PSMB1: variants seen among roughly 807,000 people sequenced by gnomAD.
PSMB1 encodes proteasome subunit beta type-1.
A neutral mutation model predicts 25.4 loss-of-function variants in PSMB1; 7 were observed. That is an observed-to-expected ratio of 0.28 (90% CI 0.16 to 0.52). PSMB1 has a LOEUF of 0.52. Among genes scored for constraint, PSMB1 ranks in the 20% least tolerant of loss-of-function variants. The pLI is 0.97. For missense variants in PSMB1, 284 were observed against 302.2 expected, an observed-to-expected ratio of 0.94 and a Z score of 0.45; for synonymous variants, 119 against 115.0, an observed-to-expected ratio of 1.03 and a Z score of -0.22.
intron 1 of PSMB1, among the ~76,000 whole-genome samples, chr6:170,552,669 G>A (rs1317744708): frequency 6.6e-6 from 1 of 152,222 alleles, no homozygotes; most frequent in African/African-American, 2.4e-5. Context: ...ACCCAGCTAT[G>A]CATCTAACAA....
At chr6:170,552,581 A>G (rs1778922688) in intron 1 of PSMB1, among the ~76,000 whole-genome samples, 1 of 152,226 alleles carries the variant, frequency 6.6e-6, no homozygotes, top group South Asian at 2.1e-4. Context: ...TTCTATTTGA[A>G]ATAAAACAAA....
rs1459675085 is a variant in PSMB1, at chr6:170,535,342, G to C, written c.604C>G (p.Leu202Val). The C allele has an allele frequency of 8.1e-6, 13 of 1,614,002 alleles. No individual in the cohort carries two copies. Among genetic ancestry groups the C allele is most frequent in the Non-Finnish European group, 1.1e-5 (13 of 1,180,024 alleles). The change falls in exon 6 of 6, where the codon CTG becomes GTG. Residue 202 changes from leucine to valine, a missense_variant. Transcript: ENST00000262193. Reference sequence around the variant, plus strand: ...GCAGAAATGAAGACATCTTTCACCAGCCGCATGGCTCTGTCCAAGGACAGC... The same window carrying C: ...GCAGAAATGAAGACATCTTTCACCACCCGCATGGCTCTGTCCAAGGACAGC... ...VPLSLDRAMR[L>V]VKDVFISAAE...
At chr6:170,545,750 G>C (rs938224480) in intron 3 of PSMB1, among the ~76,000 whole-genome samples, 2 of 152,190 alleles carry the variant, frequency 1.3e-5, no homozygotes, top group African/African-American at 2.4e-5. Flanking sequence ...TGCAAACCAA[G>C]CTCCTGTGTC....
At chr6:170,549,292 GA>G (rs200349864) in intron 1 of PSMB1, 179 bp from the exon 2 acceptor site, 154 of 487,272 alleles carry the variant, frequency 3.2e-4, no homozygotes, top group South Asian at 5.3e-4. Flanking sequence ...AGTTGTCTGG[GA>G]AAAAAAAATT....
chr6:170,544,830 A>G (rs1778797968), intron 3 of PSMB1, among the ~76,000 whole-genome samples: 1 of 152,172 alleles, frequency 6.6e-6, no homozygotes, highest in South Asian at 2.1e-4. Context: ...TGCCTTTCCA[A>G]GATAAAAACT....
chr6:170,537,336 C>T lies in PSMB1; in HGVS notation c.438G>A (p.Lys146=). Residue 146 remains lysine (K), a synonymous_variant, in exon 5 of 6, where the codon AAG becomes AAA. Coordinates refer to ENST00000262193, the MANE Select transcript of PSMB1 (RefSeq NM_002793.4). ...CTGGATCAAAGCTGTATACAGCCCC[C>T]TTTCCTTAAAGAAGAAAACAGTATT... ...NIIGGLDEEG[K]GAVYSFDPVG... The T allele has an allele frequency of 1.2e-6, 2 of 1,611,870 alleles. No individual in the cohort carries two copies. The highest frequency in any genetic ancestry group is 1.1e-5 in the South Asian group (1 of 90,926).
chr6:170,550,297 A>C (rs1222692753), intron 1 of PSMB1: 1 of 152,266 alleles, frequency 6.6e-6, no homozygotes, highest in Non-Finnish European at 1.5e-5. Flanking sequence ...CAAGCAACTC[A>C]TTCAGGCAGC....
In PSMB1 at chr6:170,538,268, AT is replaced by A. The variant is rs142132209; in HGVS notation, c.434-929del. On this transcript the variant is annotated intron_variant, in intron 4 of 5. Coordinates refer to ENST00000262193, the MANE Select transcript of PSMB1 (RefSeq NM_002793.4). ...AATCACGAGTCATTTACAAGGTATG[AT>A]TTTTTAAAAACATAACTGATTTAGA... 2.0e-5 allele frequency among the ~76,000 whole-genome samples: 3 copies of A among 152,184 alleles called. 1 individual carries two copies. The South Asian group carries it at 6.2e-4, about 31-fold the overall frequency.
chr6:170,537,568 A>G (rs996515099), intron 4 of PSMB1, among the ~76,000 whole-genome samples: 1 of 152,196 alleles, frequency 6.6e-6, no homozygotes, highest in Non-Finnish European at 1.5e-5. Context: ...GCCACCCAGC[A>G]GACAGCCCCA....
chr6:170,539,643 C>T (rs927137337), intron 4 of PSMB1, among the ~76,000 whole-genome samples: 6 of 152,104 alleles, frequency 3.9e-5, no homozygotes, highest in Admixed American at 6.5e-5. Flanking sequence ...AAATCGGGTA[C>T]TCAGGGTACT....
intron 2 of PSMB1, 113 bp from the exon 3 acceptor site, chr6:170,546,297 G>A (rs969137432): frequency 5.0e-6 from 4 of 805,616 alleles, no homozygotes; most frequent in Non-Finnish European, 8.1e-6. Flanking sequence ...ATGGTAATGG[G>A]ACAAACAGTC....
chr6:170,553,248 G>C lies in PSMB1; in HGVS notation c.-6C>G, dbSNP rs10946279. 10 of 1,600,464 alleles carry C rather than the reference G, an allele frequency of 6.2e-6. No homozygotes were observed. The East Asian group carries it at 1.3e-4, about 22-fold the overall frequency. On this transcript the variant is annotated 5_prime_UTR_variant, in exon 1 of 6. Transcript: ENST00000262193. ...ATGGCTGTAGAGGACAACATCGCACGGCTGCGCCTGCGGATCCGACACTTG... is the reference window on the plus strand; with the variant it reads ...ATGGCTGTAGAGGACAACATCGCACCGCTGCGCCTGCGGATCCGACACTTG...
chr6:170,546,800 C>T (rs921138203), intron 2 of PSMB1, among the ~76,000 whole-genome samples: 18 of 152,032 alleles, frequency 1.2e-4, no homozygotes, highest in Admixed American at 9.8e-4. Context: ...AATCCAAGGG[C>T]CACACAGAAA....
intron 1 of PSMB1, among the ~76,000 whole-genome samples, chr6:170,551,816 TCTAA>T (rs1778906826): frequency 6.6e-6 from 1 of 152,196 alleles, no homozygotes; most frequent in African/African-American, 2.4e-5. Flanking sequence ...GCTAATATCA[TCTAA>T]CATTCACTTT....
chr6:170,543,505 T>A, intron 4 of PSMB1, 96 bp downstream of exon 4: 2 of 1,181,328 alleles, frequency 1.7e-6, no homozygotes, highest in Non-Finnish European at 2.3e-6. Flanking sequence ...TTGTGTCAGA[T>A]GGTATTTATG....
At chr6:170,552,003 ATCTT>A (rs1387328923) in intron 1 of PSMB1, among the ~76,000 whole-genome samples, 2 of 152,258 alleles carry the variant, frequency 1.3e-5, no homozygotes, top group African/African-American at 2.4e-5. Context: ...GACTTTCGTT[ATCTT>A]TCTAACACAC....
intron 2 of PSMB1, among the ~76,000 whole-genome samples, chr6:170,546,754 T>C (rs1778825006): frequency 6.6e-6 from 1 of 152,170 alleles, no homozygotes; most frequent in Non-Finnish European, 1.5e-5. Flanking sequence ...TGTGAACCAC[T>C]GCACCCAGCC....
chr6:170,535,275 C>T lies in PSMB1; in HGVS notation c.671G>A (p.Cys224Tyr), dbSNP rs1778676057. The change falls in exon 6 of 6, where the codon TGC becomes TAC. Residue 224 changes from cysteine to tyrosine, a missense_variant. By Grantham distance (194) the Cys-to-Tyr change is radical. Coordinates refer to ENST00000262193, the MANE Select transcript of PSMB1 (RefSeq NM_002793.4). ...CCTGATGCCCTCTTTGGTCACTATG[C>T]AGATCCGGAGTGCGTCCCCAGTGTA... ...DVYTGDALRI[C>Y]IVTKEGIREE... The T allele has an allele frequency of 4.3e-6, 7 of 1,614,158 alleles. No individual in the cohort carries two copies. Among genetic ancestry groups the T allele is most frequent in the African/African-American group, 1.3e-5 (1 of 75,040 alleles).
In PSMB1 at chr6:170,553,125, T is replaced by C; in HGVS notation, c.113+5A>G. The C allele has an allele frequency of 6.2e-7, 1 of 1,604,144 alleles. No individual in the cohort carries two copies. The highest frequency in any genetic ancestry group is 8.5e-7 in the Non-Finnish European group (1 of 1,174,694). ...GTGAAAGCCGCAGCTCTCTGGGGTT[T>C]TTACCCTCCGTTGAAAACGTAGGGC... On this transcript the variant is annotated splice_donor_5th_base_variant and intron_variant, in intron 1 of 5. Transcript: ENST00000262193.
Sources: gnomAD v4.1 joint callset for allele counts (sites outside exome capture counted in the v4.1 genomes callset) on GRCh38, gnomAD v4.1.1 for gene constraint, MANE v1.5 for transcripts, NCBI Gene and HGNC (gene_info 2026-07-23, HGNC 2026-07-21) for gene names.